Variants in PTPRD observed in about 807,000 individuals in gnomAD.
The protein encoded by PTPRD is receptor-type tyrosine-protein phosphatase delta.
Under a neutral mutation model 214.5 loss-of-function variants are expected in PTPRD, and 34 were observed. The observed-to-expected ratio is 0.16, with a 90% CI of 0.12 to 0.21. PTPRD has a LOEUF of 0.21. Among genes scored for constraint, PTPRD ranks in the 10% least tolerant of loss-of-function variants. PTPRD has a pLI of 1.00. For synonymous variants in PTPRD, 1,128 were observed against 845.7 expected, an observed-to-expected ratio of 1.33 and a Z score of -5.79; for missense variants, 2,545 against 2,398.7, an observed-to-expected ratio of 1.06 and a Z score of -1.27.
chr9:8,518,013 T>C lies in PTPRD; in HGVS notation c.1378A>G (p.Thr460Ala). The change falls in exon 21 of 46, where the codon ACT becomes GCT. Residue 460 changes from threonine (T) to alanine (A), a missense_variant. Transcript: ENST00000381196. ...GYRVYYTMDPTQHVNNWMKHN... is the reference protein window; with the variant it reads ...GYRVYYTMDPAQHVNNWMKHN... Reference sequence around the variant, plus strand: ...TTCATCCAGTTGTTGACATGTTGAGTGGGATCCATTGTATAATAAACTCTA... The same window carrying C: ...TTCATCCAGTTGTTGACATGTTGAGCGGGATCCATTGTATAATAAACTCTA... The C allele has an allele frequency of 6.2e-7, 1 of 1,614,180 alleles. No individual in the cohort carries two copies. Among genetic ancestry groups the C allele is most frequent in the Non-Finnish European group, 8.5e-7 (1 of 1,180,026 alleles).
intron 11 of PTPRD, chr9:8,963,067 T>C (rs1001342738): frequency 8.0e-5 from 12 of 150,682 alleles, no homozygotes; most frequent in African/African-American, 2.9e-4. Context: ...TCAATGAAAA[T>C]GAATAAACTA....
At chr9:9,959,019 A>G (rs2094158628) in intron 4 of PTPRD, among the ~76,000 whole-genome samples, 1 of 152,206 alleles carries the variant, frequency 6.6e-6, no homozygotes, top group Non-Finnish European at 1.5e-5. Context: ...TGTTGTTTCT[A>G]AAAGTTATGT....
At chr9:8,602,555 CA>C (rs35278499) in intron 14 of PTPRD, among the ~76,000 whole-genome samples, 2 of 152,108 alleles carry the variant, frequency 1.3e-5, no homozygotes, top group African/African-American at 4.8e-5. Flanking sequence ...AATTGTTTTT[CA>C]AAACTGCAGC....
intron 5 of PTPRD, among the ~76,000 whole-genome samples, chr9:9,799,017 G>C (rs765319470): frequency 6.6e-6 from 1 of 152,034 alleles, no homozygotes; most frequent in Non-Finnish European, 1.5e-5. Flanking sequence ...ACTTATTAAC[G>C]TAACATCAGA....
rs530879823 is a variant in PTPRD, at chr9:9,027,850, C to G, written c.-142-9115G>C. ...TTTTATGTTATTGAATCATGCCCTTCAAACTAACTGCCATTTGGTCTACTA... is the reference window on the plus strand; with the variant it reads ...TTTTATGTTATTGAATCATGCCCTTGAAACTAACTGCCATTTGGTCTACTA... On this transcript the variant is annotated intron_variant, in intron 10 of 45. Transcript: ENST00000381196. Among the ~76,000 whole-genome samples the G allele has an allele frequency of 2.0e-5, 3 of 152,048 alleles. No homozygotes were observed. In the East Asian group the frequency reaches 5.8e-4, roughly 30 times the overall value.
At chr9:9,293,506 G>GATT (rs755895303) in intron 9 of PTPRD, among the ~76,000 whole-genome samples, 169 of 151,084 alleles carry the variant, frequency 1.1e-3, no homozygotes, top group Non-Finnish European at 1.3e-3. Flanking sequence ...TCTACAAGGA[G>GATT]ATTATTATTA....
intron 5 of PTPRD, among the ~76,000 whole-genome samples, chr9:9,857,283 A>C (rs1023659977): frequency 6.6e-6 from 1 of 152,082 alleles, no homozygotes; most frequent in Non-Finnish European, 1.5e-5. Flanking sequence ...AAATTCTCTG[A>C]GTTCTTGTTA....
chr9:9,809,365 T>A (rs1437747039), intron 5 of PTPRD, among the ~76,000 whole-genome samples: 1 of 151,410 alleles, frequency 6.6e-6, no homozygotes, highest in East Asian at 2.0e-4. Context: ...CCTCTTGGGT[T>A]CACACCATTC....
rs929265432 is a variant in PTPRD, at chr9:8,521,642, A to C, written c.692-96T>G. On this transcript the variant is annotated intron_variant, in intron 19 of 45. Coordinates refer to ENST00000381196, the MANE Select transcript of PTPRD (RefSeq NM_002839.4). Reference sequence around the variant, plus strand: ...TGCACCGTACAGACACGATTCAACAATTGAAACATTGTGGATTGTCCAAAA... The same window carrying C: ...TGCACCGTACAGACACGATTCAACACTTGAAACATTGTGGATTGTCCAAAA... The C allele has an allele frequency of 2.2e-6, 3 of 1,371,318 alleles. No homozygotes were observed. The African/African-American group carries it at 4.4e-5, about 20-fold the overall frequency. The allele number at this position is 1,371,318 out of a possible 1,614,324, so 84.9% of individuals were successfully genotyped here. A position where few individuals can be genotyped will look rare whatever the true frequency, so the allele number is the denominator to read the frequency against.
chr9:10,300,753 C>T (rs1025831577), intron 3 of PTPRD, among the ~76,000 whole-genome samples: 2 of 152,092 alleles, frequency 1.3e-5, no homozygotes, highest in African/African-American at 2.4e-5. Context: ...GAAAAAAAGG[C>T]AGCAGCCCAG....
intron 9 of PTPRD, among the ~76,000 whole-genome samples, chr9:9,243,753 C>A (rs1290419074): frequency 6.6e-6 from 1 of 152,120 alleles, no homozygotes; most frequent in Non-Finnish European, 1.5e-5. Context: ...CCTCTCTCAC[C>A]ACTCCTATTC....
At chr9:10,345,821 A>C (rs760832307) in intron 2 of PTPRD, among the ~76,000 whole-genome samples, 1 of 152,104 alleles carries the variant, frequency 6.6e-6, no homozygotes, top group Non-Finnish European at 1.5e-5. Context: ...CTGGTTCTGG[A>C]TCCTTGAACA....
intron 2 of PTPRD, among the ~76,000 whole-genome samples, chr9:10,589,589 A>G (rs1386687135): frequency 6.6e-6 from 1 of 152,070 alleles, no homozygotes; most frequent in East Asian, 1.9e-4. Context: ...AAACTCAGGA[A>G]TGAATTACTG....
At chr9:9,154,754 A>C (rs1199567553) in intron 10 of PTPRD, among the ~76,000 whole-genome samples, 1 of 152,186 alleles carries the variant, frequency 6.6e-6, no homozygotes, top group Admixed American at 6.6e-5. Flanking sequence ...AAGTAAAAGA[A>C]GAGTGTAATC....
chr9:10,330,784 G>A (rs1369778128), intron 3 of PTPRD, among the ~76,000 whole-genome samples: 1 of 151,750 alleles, frequency 6.6e-6, no homozygotes, highest in Non-Finnish European at 1.5e-5. Flanking sequence ...CTTAATATAG[G>A]CAGAGGGCAG....
At chr9:9,905,204 T>G (rs2077266730) in intron 5 of PTPRD, among the ~76,000 whole-genome samples, 1 of 152,062 alleles carries the variant, frequency 6.6e-6, no homozygotes, top group Non-Finnish European at 1.5e-5. Flanking sequence ...TATGTATGTT[T>G]GTATCTACAT....
intron 8 of PTPRD, among the ~76,000 whole-genome samples, chr9:9,484,134 C>A (rs903956306): frequency 1.3e-5 from 2 of 151,238 alleles, no homozygotes; most frequent in Non-Finnish European, 1.5e-5. Context: ...TTGATTTAAA[C>A]TAATTATAAT....
At chr9:8,502,155 T>C (rs1325623795) in intron 23 of PTPRD, among the ~76,000 whole-genome samples, 1 of 152,132 alleles carries the variant, frequency 6.6e-6, no homozygotes, top group Non-Finnish European at 1.5e-5. Context: ...CCAAGCATTA[T>C]GATTTTAAAA....
chr9:9,457,419 G>A (rs1330347618), intron 8 of PTPRD, among the ~76,000 whole-genome samples: 3 of 151,910 alleles, frequency 2.0e-5, no homozygotes, highest in African/African-American at 7.2e-5. Context: ...TGAACTGAAA[G>A]TTTAATAATG....
Sources: allele counts gnomAD v4.1 joint callset (sites outside exome capture counted in the v4.1 genomes callset), GRCh38; gene constraint gnomAD v4.1.1; transcripts MANE v1.5; gene names NCBI Gene and HGNC (gene_info 2026-07-23, HGNC 2026-07-21).